Variants in CCDC180 observed in about 807,000 individuals in gnomAD.
The protein encoded by CCDC180 is coiled-coil domain-containing protein 180.
CCDC180 carries 154 observed loss-of-function variants against 209.2 expected under a neutral mutation model. The observed-to-expected ratio is 0.74, with a 90% CI of 0.65 to 0.84. The LOEUF is 0.84. Ranked by LOEUF, CCDC180 falls within the 40% of genes least tolerant of loss-of-function variation. The probability of loss-of-function intolerance (pLI) is 0.00; values close to 1 mark genes in which losing one functional copy is unlikely to be tolerated. For missense variants in CCDC180, 1,874 were observed against 1,997.3 expected, an observed-to-expected ratio of 0.94 and a Z score of 1.18; for synonymous variants, 778 against 749.1, an observed-to-expected ratio of 1.04 and a Z score of -0.63.
intron 18 of CCDC180, among the ~76,000 whole-genome samples, chr9:97,337,591 T>C (rs1294249125): frequency 6.6e-6 from 1 of 152,180 alleles, no homozygotes; most frequent in Non-Finnish European, 1.5e-5. Flanking sequence ...ATTTTTGCAT[T>C]GATGTTCATC....
chr9:97,360,030 A>G lies in CCDC180; in HGVS notation c.3412A>G (p.Lys1138Glu), dbSNP rs771747562. 6.2e-6 allele frequency: 10 copies of G among 1,613,854 alleles called. No individual in the cohort carries two copies. The South Asian group carries it at 9.9e-5, about 16-fold the overall frequency. The change falls in exon 26 of 37, where the codon AAA becomes GAA. Residue 1138 changes from lysine to glutamate, a missense_variant. Coordinates refer to ENST00000529487, the MANE Select transcript of CCDC180 (RefSeq NM_020893.6). ...CAGCTTCGTCCAAACTTGGAAGGAA[A>G]AACTGAGCCAGAGGATTCAGTACCT... Reference protein sequence around the residue: ...LLSFVQTWKEKLSQRIQYLNC... With the variant: ...LLSFVQTWKEELSQRIQYLNC...
chr9:97,364,865 A>G (rs144633894), intron 29 of CCDC180, among the ~76,000 whole-genome samples: 3 of 152,334 alleles, frequency 2.0e-5, no homozygotes, highest in Non-Finnish European at 4.4e-5. Flanking sequence ...AGGAGTAATC[A>G]TTCTTTCAGC....
intron 24 of CCDC180, 108 bp from the exon 25 acceptor site, chr9:97,357,519 A>AT (rs1245121993): frequency 1.4e-5 from 10 of 737,896 alleles, no homozygotes; most frequent in South Asian, 5.6e-5. Flanking sequence ...CCCTGATTTC[A>AT]TTTTTTTCAG....
At chr9:97,372,919 T>C (rs1453141952) in intron 34 of CCDC180, 1 of 152,160 alleles carries the variant, frequency 6.6e-6, no homozygotes, top group Non-Finnish European at 1.5e-5. Flanking sequence ...GTGCCAGATG[T>C]GCAGGTAAAT....
At chr9:97,325,867 G>A (rs1032176002) in intron 14 of CCDC180, among the ~76,000 whole-genome samples, 9 of 152,166 alleles carry the variant, frequency 5.9e-5, no homozygotes, top group Non-Finnish European at 1.0e-4. Flanking sequence ...CTCTTGAAGT[G>A]TCAAACTCTT....
chr9:97,316,359 G>A (rs186161485), intron 8 of CCDC180, among the ~76,000 whole-genome samples: 1 of 152,324 alleles, frequency 6.6e-6, no homozygotes, highest in East Asian at 1.9e-4. Context: ...TCAAGCCTCA[G>A]GCTCCACTGA....
At chr9:97,358,188 C>G (rs1196658308) in intron 25 of CCDC180, among the ~76,000 whole-genome samples, 2 of 139,870 alleles carry the variant, frequency 1.4e-5, no homozygotes, top group Admixed American at 7.9e-5. Flanking sequence ...GTGGCACAAT[C>G]TCAGCTCACT....
At chr9:97,355,060 C>A in intron 24 of CCDC180, 52 bp downstream of exon 24, 1 of 1,206,246 alleles carries the variant, frequency 8.3e-7, no homozygotes, top group Non-Finnish European at 1.2e-6. Flanking sequence ...CACCTGCACA[C>A]CAGGCACTGT....
intron 11 of CCDC180, among the ~76,000 whole-genome samples, 174 bp downstream of exon 11, chr9:97,320,379 C>T (rs945892980): frequency 2.0e-5 from 3 of 152,260 alleles, no homozygotes; most frequent in Non-Finnish European, 4.4e-5. Context: ...TAAGGCCTCC[C>T]CTCCTCAGTG....
At chr9:97,323,707 G>A in intron 12 of CCDC180, 74 bp from the exon 13 acceptor site, 1 of 1,485,844 alleles carries the variant, frequency 6.7e-7, no homozygotes, top group Non-Finnish European at 9.0e-7. Context: ...CAACGCTGAG[G>A]CCTGTAGGAT....
At chr9:97,337,250 A>G (rs1423268004) in intron 18 of CCDC180, among the ~76,000 whole-genome samples, 1 of 152,208 alleles carries the variant, frequency 6.6e-6, no homozygotes, top group East Asian at 1.9e-4. Context: ...CCAGTTTTCA[A>G]AGGGAATGCT....
chr9:97,342,159 G>A (rs1174127853), intron 18 of CCDC180, among the ~76,000 whole-genome samples: 4 of 152,186 alleles, frequency 2.6e-5, no homozygotes, highest in East Asian at 1.9e-4. Context: ...GCCCTTCTTC[G>A]GCTCACCCTC....
Position 97,370,020 on chromosome 9 carries a change from A to G in CCDC180, c.4288A>G (p.Thr1430Ala), listed in dbSNP as rs1360068205. 2 of 1,614,052 alleles carry G rather than the reference A, an allele frequency of 1.2e-6. No individual in the cohort carries two copies. Among genetic ancestry groups the G allele is most frequent in the Non-Finnish European group, 1.7e-6 (2 of 1,180,036 alleles). Residue 1430 changes from threonine to alanine, a missense_variant, in exon 32 of 37, where the codon ACC (threonine) becomes GCC (alanine). Coordinates refer to ENST00000529487, the MANE Select transcript of CCDC180 (RefSeq NM_020893.6). The part of the protein sequence containing the change: ...FKEHHWKKFF[T>A]SVKEIRGQFE... ...GGAACACCACTGGAAAAAGTTTTTC[A>G]CCTCTGTGAAGGAGATCCGAGGACA...
intron 18 of CCDC180, among the ~76,000 whole-genome samples, chr9:97,334,407 A>G (rs374780590): frequency 5.3e-5 from 8 of 152,344 alleles, no homozygotes; most frequent in African/African-American, 1.7e-4. Flanking sequence ...TCCTCATTGT[A>G]TAGACAACGA....
chr9:97,356,800 G>A (rs1826598484), intron 24 of CCDC180, among the ~76,000 whole-genome samples: 1 of 152,174 alleles, frequency 6.6e-6, no homozygotes, highest in Non-Finnish European at 1.5e-5. Context: ...GACAATACTG[G>A]GAATATAGAA....
rs74916263 is a variant in CCDC180 at position 97,351,455 on chromosome 9, T to G, written c.3002+900T>G. Reference sequence around the variant, plus strand: ...TGTGTTTATTGGCCATTCTTTCCCCTTATTTTTACCCCTGCAATCTTAATC... The same window carrying G: ...TGTGTTTATTGGCCATTCTTTCCCCGTATTTTTACCCCTGCAATCTTAATC... On this transcript the variant is annotated intron_variant, in intron 22 of 36. Transcript: ENST00000529487. 6.2e-4 allele frequency among the ~76,000 whole-genome samples: 94 copies of G among 152,352 alleles called. No homozygotes were observed. The East Asian group carries it at 0.017, about 28-fold the overall frequency.
At chr9:97,345,080 T>C (rs528823602) in intron 19 of CCDC180, among the ~76,000 whole-genome samples, 1 of 152,242 alleles carries the variant, frequency 6.6e-6, no homozygotes, top group South Asian at 2.1e-4. Context: ...AAAAATGTTA[T>C]CCATTTTATT....
chr9:97,336,319 C>A lies in CCDC180; in HGVS notation c.2274+5552C>A, dbSNP rs187799658. On this transcript the variant is annotated intron_variant, in intron 18 of 36. Transcript: ENST00000529487. ...AGGTCTAACATTTAAGTCTTTAATC[C>A]ATCTTGAATTAATTTTTGTGTAAGG... is the stretch of plus-strand genomic sequence containing the variant. Among the ~76,000 whole-genome samples, 330 of 152,082 alleles carry A rather than the reference C, an allele frequency of 2.2e-3. 2 individuals carry two copies. The highest frequency in any genetic ancestry group is 7.7e-3 in the African/African-American group (319 of 41,480).
chr9:97,369,651 A>G (rs887074347), intron 31 of CCDC180: 1 of 296,622 alleles, frequency 3.4e-6, no homozygotes, highest in African/African-American at 2.2e-5. Context: ...GTCTTGCCCA[A>G]GCTGGTCTTG....
Sources: gnomAD v4.1 joint callset for allele counts (sites outside exome capture counted in the v4.1 genomes callset) on GRCh38, gnomAD v4.1.1 for gene constraint, MANE v1.5 for transcripts, NCBI Gene and HGNC (gene_info 2026-07-23, HGNC 2026-07-21) for gene names.